Variants in NRG1 observed in about 807,000 individuals in gnomAD.
The protein encoded by NRG1 is neuregulin 1.
Under a neutral mutation model 63.8 loss-of-function variants are expected in NRG1, and 18 were observed. The ratio of observed to expected loss-of-function variants is 0.28; its 90% CI spans 0.19 to 0.42. The LOEUF (loss-of-function observed/expected upper bound fraction) is 0.42, where lower values mean the gene tolerates loss of function less well. Ranked by LOEUF, NRG1 falls within the 10% of genes least tolerant of loss-of-function variation. NRG1 has a pLI of 1.00. For missense variants in NRG1, 762 were observed against 814.7 expected, an observed-to-expected ratio of 0.94 and a Z score of 0.79; for synonymous variants, 302 against 301.3, an observed-to-expected ratio of 1.00 and a Z score of -0.02.
At chr8:32,450,647 C>G (rs1202845426) in intron 1 of NRG1, among the ~76,000 whole-genome samples, 2 of 152,116 alleles carry the variant, frequency 1.3e-5, no homozygotes, top group Non-Finnish European at 2.9e-5. Context: ...AACTCCTAGG[C>G]TCAAATGATC....
chr8:32,710,805 A>G (rs1179638048), intron 5 of NRG1, among the ~76,000 whole-genome samples: 1 of 152,174 alleles, frequency 6.6e-6, no homozygotes, highest in African/African-American at 2.4e-5. Flanking sequence ...TTAATGAAAA[A>G]TATAAGACAA....
intron 1 of NRG1, among the ~76,000 whole-genome samples, chr8:32,283,899 A>G (rs1299224492): frequency 1.3e-5 from 2 of 152,224 alleles, no homozygotes; most frequent in East Asian, 3.9e-4. Context: ...AAATTCCATC[A>G]CAGAATATCT....
At chr8:32,628,295 A>G (rs1433094545) in intron 5 of NRG1, among the ~76,000 whole-genome samples, 1 of 152,198 alleles carries the variant, frequency 6.6e-6, no homozygotes, top group Admixed American at 6.5e-5. Context: ...TTTTTCAGAA[A>G]TTTTGTACAT....
chr8:32,608,740 T>C (rs1816850919), intron 3 of NRG1, among the ~76,000 whole-genome samples: 1 of 152,180 alleles, frequency 6.6e-6, no homozygotes, highest in African/African-American at 2.4e-5. Flanking sequence ...TTAATATGCT[T>C]CTGATAGTTT....
intron 1 of NRG1, among the ~76,000 whole-genome samples, chr8:32,269,775 G>A (rs753919724): frequency 2.0e-5 from 3 of 152,154 alleles, no homozygotes; most frequent in Non-Finnish European, 4.4e-5. Flanking sequence ...CAAATAATTA[G>A]CTGAGTCATG....
chr8:32,605,854 C>G (rs985295485), intron 3 of NRG1, among the ~76,000 whole-genome samples, 171 bp downstream of exon 3: 1 of 151,898 alleles, frequency 6.6e-6, no homozygotes, highest in African/African-American at 2.4e-5. Flanking sequence ...AATTTCTGTA[C>G]TCTATGAGAT....
At chr8:32,348,698 G>A (rs956810699) in intron 1 of NRG1, among the ~76,000 whole-genome samples, 1 of 152,180 alleles carries the variant, frequency 6.6e-6, no homozygotes, top group African/African-American at 2.4e-5. Context: ...TAGCCACATA[G>A]TAGGTGAAAT....
chr8:31,923,691 CT>C (rs201461319), intron 1 of NRG1, among the ~76,000 whole-genome samples: 2 of 150,640 alleles, frequency 1.3e-5, no homozygotes, highest in Non-Finnish European at 1.5e-5. Flanking sequence ...TACAGTTTTT[CT>C]TTTTTTTTAA....
chr8:31,656,854 G>T (rs1805481203), intron 1 of NRG1, among the ~76,000 whole-genome samples: 1 of 152,138 alleles, frequency 6.6e-6, no homozygotes, highest in Non-Finnish European at 1.5e-5. Flanking sequence ...ACAATGCCTT[G>T]TCACATAAAT....
intron 1 of NRG1, among the ~76,000 whole-genome samples, chr8:32,480,342 T>A (rs893386858): frequency 1.3e-5 from 2 of 151,694 alleles, no homozygotes; most frequent in African/African-American, 4.8e-5. Flanking sequence ...GGATCCAAAG[T>A]TTCAGTTAGA....
chr8:32,770,447 C>T (rs546464351), downstream of NRG1, among the ~76,000 whole-genome samples: 55 of 152,128 alleles, frequency 3.6e-4, no homozygotes, highest in Non-Finnish European at 5.9e-4. Flanking sequence ...CCTTTCCCTG[C>T]CTCAAGCAGA....
At chr8:32,186,561 A>G (rs1233201263) in intron 1 of NRG1, among the ~76,000 whole-genome samples, 2 of 152,184 alleles carry the variant, frequency 1.3e-5, no homozygotes, top group Non-Finnish European at 2.9e-5. Context: ...ATTACAGTTC[A>G]GCCCCTTCTC....
At chr8:32,042,078 A>G (rs993122510) in intron 1 of NRG1, among the ~76,000 whole-genome samples, 3 of 152,232 alleles carry the variant, frequency 2.0e-5, no homozygotes, top group Non-Finnish European at 4.4e-5. Context: ...AAAGCTGGTC[A>G]GAACTTGTGG....
intron 5 of NRG1, among the ~76,000 whole-genome samples, chr8:32,709,626 G>T (rs1181580548): frequency 6.6e-6 from 1 of 151,826 alleles, no homozygotes; most frequent in African/African-American, 2.4e-5. Flanking sequence ...CTACTATGTT[G>T]CCCAGGCTGG....
chr8:32,620,768 G>A (rs760815293), intron 5 of NRG1, among the ~76,000 whole-genome samples: 53 of 152,034 alleles, frequency 3.5e-4, no homozygotes, highest in Non-Finnish European at 6.8e-4. Flanking sequence ...GCTGTCCTAA[G>A]TTATGGTTGA....
intron 5 of NRG1, among the ~76,000 whole-genome samples, chr8:32,639,040 A>G (rs1332706898): frequency 6.6e-6 from 1 of 152,144 alleles, no homozygotes; most frequent in Non-Finnish European, 1.5e-5. Context: ...ACAAGGAGAA[A>G]AAAAATGTGT....
chr8:31,669,060 T>C (rs990100453), intron 1 of NRG1, among the ~76,000 whole-genome samples: 2 of 152,098 alleles, frequency 1.3e-5, no homozygotes, highest in Non-Finnish European at 2.9e-5. Context: ...ATATTTTTCT[T>C]TTTCTGTTTT....
chr8:31,995,628 A>AGG (rs986719953), intron 1 of NRG1, among the ~76,000 whole-genome samples: 4 of 151,644 alleles, frequency 2.6e-5, no homozygotes, highest in African/African-American at 9.7e-5. Flanking sequence ...TTGGGCGGGG[A>AGG]GGGGGCTTTA....
At chr8:32,615,089 C>G (rs1847109132) in intron 4 of NRG1, among the ~76,000 whole-genome samples, 1 of 152,082 alleles carries the variant, frequency 6.6e-6, no homozygotes, top group Non-Finnish European at 1.5e-5. Flanking sequence ...GTTGGTTTCT[C>G]ACTTGCCTGT....
Sources: allele counts gnomAD v4.1 joint callset (sites outside exome capture counted in the v4.1 genomes callset), GRCh38; gene constraint gnomAD v4.1.1; transcripts MANE v1.5; gene names NCBI Gene and HGNC (gene_info 2026-07-23, HGNC 2026-07-21).